CIMIP6: variants seen among roughly 807,000 people sequenced by gnomAD.
The protein encoded by CIMIP6 is ciliary microtubule inner protein 6.
the CIMIP6 span, among the ~76,000 whole-genome samples, chr2:54,379,662 C>T: frequency 2.0e-3 from 305 of 151,574 alleles, no homozygotes; most frequent in Non-Finnish European, 3.1e-3. Context: ...CATAGGGAGA[C>T]CCTGTCTCTA....
At chr2:54,336,580 G>C in the CIMIP6 span, among the ~76,000 whole-genome samples, 1 of 152,108 alleles carries the variant, frequency 6.6e-6, no homozygotes, top group Non-Finnish European at 1.5e-5. Flanking sequence ...CTAGACACTA[G>C]AGATACAGCA....
the CIMIP6 span, among the ~76,000 whole-genome samples, chr2:54,337,626 A>G: frequency 6.6e-6 from 1 of 152,250 alleles, no homozygotes; most frequent in African/African-American, 2.4e-5. Context: ...ATAAAAGTTT[A>G]AAAACTTAAT....
At chr2:54,369,309 T>TA in the CIMIP6 span, among the ~76,000 whole-genome samples, 24 of 149,250 alleles carry the variant, frequency 1.6e-4, no homozygotes, top group East Asian at 7.8e-4. Context: ...CTTAGGAGGC[T>TA]AAAAAAAAAA....
the CIMIP6 span, among the ~76,000 whole-genome samples, chr2:54,355,663 A>G: frequency 1.3e-5 from 2 of 151,752 alleles, no homozygotes; most frequent in East Asian, 3.9e-4. Flanking sequence ...GCCTTCTGGG[A>G]CAGCTTCTCA....
chr2:54,351,542 A>G, the CIMIP6 span, among the ~76,000 whole-genome samples: 2 of 152,084 alleles, frequency 1.3e-5, no homozygotes, highest in East Asian at 3.9e-4. Flanking sequence ...ACCAAATACC[A>G]CTTGTTCTTA....
chr2:54,344,077 T>C, the CIMIP6 span, among the ~76,000 whole-genome samples: 1 of 152,184 alleles, frequency 6.6e-6, no homozygotes, highest in Non-Finnish European at 1.5e-5. Context: ...TAATATGACA[T>C]AATGAAAATT....
chr2:54,374,851 C>T, the CIMIP6 span, among the ~76,000 whole-genome samples: 12 of 152,224 alleles, frequency 7.9e-5, no homozygotes, highest in Admixed American at 1.3e-4. Flanking sequence ...CACTCCCCTG[C>T]GTGTTTGCAG....
At chr2:54,344,904 G>A in the CIMIP6 span, among the ~76,000 whole-genome samples, 3 of 152,162 alleles carry the variant, frequency 2.0e-5, no homozygotes, top group Non-Finnish European at 4.4e-5. Flanking sequence ...CCAGAAAAGA[G>A]AAGAGTAAAA....
At chr2:54,380,817 AC>A in the CIMIP6 span, among the ~76,000 whole-genome samples, 1 of 152,216 alleles carries the variant, frequency 6.6e-6, no homozygotes, top group East Asian at 1.9e-4. Flanking sequence ...GACACGTGCT[AC>A]CATGGGAACA....
chr2:54,378,604 CAG>C, the CIMIP6 span, among the ~76,000 whole-genome samples: 1 of 152,120 alleles, frequency 6.6e-6, no homozygotes, highest in Non-Finnish European at 1.5e-5. Flanking sequence ...TCTCAGGAAA[CAG>C]AGCATATTAT....
At chr2:54,378,280 C>A in the CIMIP6 span, among the ~76,000 whole-genome samples, 15 of 152,234 alleles carry the variant, frequency 9.9e-5, no homozygotes, top group Admixed American at 9.2e-4. Flanking sequence ...GGGTTACCAA[C>A]GCAGGATAAC....
the CIMIP6 span, among the ~76,000 whole-genome samples, chr2:54,380,097 T>G: frequency 1.3e-5 from 2 of 151,706 alleles, no homozygotes; most frequent in African/African-American, 4.8e-5. Context: ...GGAGCCAAGA[T>G]CACTCCACTG....
chr2:54,348,828 C>T, the CIMIP6 span, among the ~76,000 whole-genome samples: 88 of 152,268 alleles, frequency 5.8e-4, no homozygotes, highest in African/African-American at 1.9e-3. Flanking sequence ...CACTTAATTA[C>T]GCCTGGACTT....
At chr2:54,367,335 T>C in the CIMIP6 span, among the ~76,000 whole-genome samples, 1 of 152,080 alleles carries the variant, frequency 6.6e-6, no homozygotes, top group Non-Finnish European at 1.5e-5. Context: ...GTTTCTTCAT[T>C]TGGCAAAATA....
the CIMIP6 span, among the ~76,000 whole-genome samples, chr2:54,357,906 G>T: frequency 3.3e-5 from 5 of 152,050 alleles, no homozygotes; most frequent in African/African-American, 1.2e-4. Flanking sequence ...TTTTAAGGGA[G>T]AAATTTTTGT....
the CIMIP6 span, among the ~76,000 whole-genome samples, chr2:54,347,260 G>C: frequency 6.6e-6 from 1 of 152,156 alleles, no homozygotes; most frequent in Non-Finnish European, 1.5e-5. Context: ...TTAAAATCTT[G>C]AAGGATTTTG....
chr2:54,354,680 T>C, the CIMIP6 span, among the ~76,000 whole-genome samples: 2 of 152,092 alleles, frequency 1.3e-5, no homozygotes, highest in African/African-American at 4.8e-5. Context: ...TATACATTTA[T>C]CCGATGTCTG....
chr2:54,332,467 A>G, the CIMIP6 span, among the ~76,000 whole-genome samples: 16 of 152,206 alleles, frequency 1.1e-4, no homozygotes. Flanking sequence ...GAATTATTCA[A>G]TGTTATTCTC....
At chr2:54,381,847 T>C in the CIMIP6 span, 77 of 1,536,920 alleles carry the variant, frequency 5.0e-5, no homozygotes, top group Admixed American at 1.3e-4. Flanking sequence ...TCCTTCCAGA[T>C]GAAACCTTGA....
Sources: gnomAD v4.1 joint callset for allele counts (sites outside exome capture counted in the v4.1 genomes callset) on GRCh38, gnomAD v4.1.1 for gene constraint, MANE v1.5 for transcripts, NCBI Gene and HGNC (gene_info 2026-07-23, HGNC 2026-07-21) for gene names.